Variants in SLF1 observed in about 807,000 individuals in gnomAD.
The protein encoded by SLF1 is SMC5/6 complex localization factor 1, also known as SMC5-SMC6 complex localization factor protein 1.
In SLF1, 105 loss-of-function variants were observed where a neutral mutation model predicts 123.0. The observed-to-expected ratio is 0.85, with a 90% CI of 0.73 to 1.00. The LOEUF (loss-of-function observed/expected upper bound fraction) is 1.00. Among genes scored for constraint, SLF1 ranks in the 50% least tolerant of loss-of-function variants. The pLI, the probability that SLF1 is intolerant of heterozygous loss-of-function variation, is 0.00. For synonymous variants in SLF1, 434 were observed against 406.6 expected (o/e 1.07, Z -0.81); for missense variants, 1,239 against 1,223.0 (o/e 1.01, Z -0.20).
At chr5:94,654,844 T>A (rs1369476970) in intron 9 of SLF1, 92 bp downstream of exon 9, 1 of 931,296 alleles carries the variant, frequency 1.1e-6, no homozygotes, top group Non-Finnish European at 1.4e-6. Context: ...TACATATGAT[T>A]CATTAGTATG....
At chr5:94,668,365 G>A (rs754223453) in intron 12 of SLF1, among the ~76,000 whole-genome samples, 8 of 151,700 alleles carry the variant, frequency 5.3e-5, no homozygotes, top group East Asian at 1.9e-4. Context: ...AAGAAGTTTC[G>A]CTCTGTTGCC....
intron 1 of SLF1, among the ~76,000 whole-genome samples, chr5:94,627,428 T>C (rs1469000956): frequency 6.6e-6 from 1 of 151,940 alleles, no homozygotes; most frequent in African/African-American, 2.4e-5. Context: ...GATGAGAAAT[T>C]CTGTGAGTTA....
rs761519987 is a variant in SLF1 at position 94,686,681 on chromosome 5, G to T, written c.2084G>T (p.Gly695Val). The change falls in exon 16 of 21, where the codon GGC becomes GTC. Residue 695 changes from glycine to valine, a missense_variant. Gly to Val is a moderately radical substitution (Grantham distance 109). Coordinates refer to ENST00000265140, the MANE Select transcript of SLF1 (RefSeq NM_032290.4). Reference sequence around the variant, plus strand: ...AAAAAGTTGTGTCTACAGAGCTCTGGCAGTGTTTCTTCTGAGCCACTCTCT... The same window carrying T: ...AAAAAGTTGTGTCTACAGAGCTCTGTCAGTGTTTCTTCTGAGCCACTCTCT... ...VFKKLCLQSS[G>V]SVSSEPLSLQ... The T allele has an allele frequency of 3.1e-6, 5 of 1,614,006 alleles. No homozygotes were observed. In the Admixed American group the frequency reaches 8.3e-5, roughly 27 times the overall value.
chr5:94,658,808 A>G (rs191871404), intron 9 of SLF1, among the ~76,000 whole-genome samples: 17 of 143,480 alleles, frequency 1.2e-4, no homozygotes, highest in Admixed American at 7.2e-4. Flanking sequence ...TATGTCATTT[A>G]GGCTTTTTTT....
intron 11 of SLF1, among the ~76,000 whole-genome samples, chr5:94,664,882 G>A (rs1442969120): frequency 1.3e-5 from 2 of 152,216 alleles, no homozygotes; most frequent in Admixed American, 1.3e-4. Flanking sequence ...TGCTTCTTCA[G>A]AACCTGCACT....
At chr5:94,658,457 T>TG (rs78857628) in intron 9 of SLF1, among the ~76,000 whole-genome samples, 3 of 151,314 alleles carry the variant, frequency 2.0e-5, no homozygotes, top group East Asian at 1.9e-4. Flanking sequence ...TTGTTGTTGT[T>TG]TTTTCCTTTC....
At chr5:94,628,650 A>G (rs1308290843) in intron 1 of SLF1, among the ~76,000 whole-genome samples, 161 bp from the exon 2 acceptor site, 6 of 152,248 alleles carry the variant, frequency 3.9e-5, no homozygotes, top group African/African-American at 4.8e-5. Flanking sequence ...TCTATCGTAT[A>G]TAAGTAATTT....
At chr5:94,637,960 G>A (rs148518629) in intron 4 of SLF1, among the ~76,000 whole-genome samples, 1 of 151,932 alleles carries the variant, frequency 6.6e-6, no homozygotes, top group South Asian at 2.1e-4. Flanking sequence ...TCACTCCCTG[G>A]GTGAGGCCAT....
At chr5:94,628,320 G>A (rs1421240975) in intron 1 of SLF1, among the ~76,000 whole-genome samples, 1 of 151,192 alleles carries the variant, frequency 6.6e-6, no homozygotes, top group South Asian at 2.1e-4. Flanking sequence ...TATATTTTTA[G>A]TAGAGGCAGG....
chr5:94,668,308 T>C (rs1750050390), intron 12 of SLF1, among the ~76,000 whole-genome samples: 1 of 151,870 alleles, frequency 6.6e-6, no homozygotes, highest in South Asian at 2.1e-4. Context: ...ACCTGGCCAA[T>C]TTTGTTGTTG....
At chr5:94,643,582 G>A (rs2152474599) in intron 5 of SLF1, 147 bp downstream of exon 5, 2 of 549,176 alleles carry the variant, frequency 3.6e-6, no homozygotes, top group East Asian at 7.1e-5. Flanking sequence ...AAAGGCAGTG[G>A]CTCTCAATTA....
chr5:94,630,705 C>T lies in SLF1; in HGVS notation c.393C>T (p.Leu131=). ...CCTTCCACAGATGGAAAGTTGTCCTCCTTGTTAGAACTGATAAGCGAAGTG... is the reference window on the plus strand; with the variant it reads ...CCTTCCACAGATGGAAAGTTGTCCTTCTTGTTAGAACTGATAAGCGAAGTG... ...PGAFHRWKVV[L]LVRTDKRSDS... is the part of the protein sequence containing the mutation. The change falls in exon 4 of 21, where the codon CTC becomes CTT. Residue 131 remains leucine (L), a synonymous_variant. Transcript: ENST00000265140. 6.4e-7 allele frequency: 1 copy of T among 1,551,616 alleles called. No individual in the cohort carries two copies.
At chr5:94,651,653 G>A in intron 6 of SLF1, 49 bp from the exon 7 acceptor site, 2 of 1,411,386 alleles carry the variant, frequency 1.4e-6, no homozygotes, top group South Asian at 3.0e-5. Context: ...TTGTGTTAAG[G>A]CTATATTTAA....
chr5:94,627,276 G>A (rs545622404), intron 1 of SLF1, among the ~76,000 whole-genome samples: 7 of 152,124 alleles, frequency 4.6e-5, no homozygotes, highest in African/African-American at 1.7e-4. Context: ...CAGTTATGGT[G>A]ACAAAATTGT....
chr5:94,653,362 G>A lies in SLF1; in HGVS notation c.973G>A (p.Gly325Ser). Residue 325 changes from glycine (G) to serine (S), a missense_variant, in exon 8 of 21, where the codon GGC (glycine) becomes AGC (serine). Gly to Ser is a moderately conservative substitution (Grantham distance 56, BLOSUM62 0). Coordinates refer to ENST00000265140, the MANE Select transcript of SLF1 (RefSeq NM_032290.4). ...AGGAAAAGAAAGCAATTGCAAGAAAGGCGTTGAACATGAAAAAATAAAAAG... is the reference window on the plus strand; with the variant it reads ...AGGAAAAGAAAGCAATTGCAAGAAAAGCGTTGAACATGAAAAAATAAAAAG... The part of the protein sequence containing the change: ...KKGKESNCKK[G>S]VEHEKIKSTL... 6.5e-7 allele frequency: 1 copy of A among 1,528,674 alleles called. No homozygotes were observed. 94.7% of individuals were successfully genotyped at this position (1,528,674 alleles called of 1,614,324 possible). A position where few individuals can be genotyped will look rare whatever the true frequency, so the allele number is the denominator to read the frequency against.
rs1171277565 is a variant in SLF1 at position 94,651,590 on chromosome 5, A to G, written c.739-112A>G. 6.2e-6 allele frequency: 5 copies of G among 800,798 alleles called. No homozygotes were observed. The South Asian group carries it at 6.8e-5, about 11-fold the overall frequency. The allele number at this position is 800,798 out of a possible 1,614,324, so 49.6% of individuals were successfully genotyped here. On this transcript the variant is annotated intron_variant, in intron 6 of 20. Coordinates refer to ENST00000265140, the MANE Select transcript of SLF1 (RefSeq NM_032290.4). ...TTACTCTATTTAACCTTGTATGTAT[A>G]TTTTACAAAATCTATGTTCCTGGAT... is the stretch of plus-strand genomic sequence containing the variant.
chr5:94,673,031 G>A (rs1750644781), intron 14 of SLF1, among the ~76,000 whole-genome samples: 1 of 152,186 alleles, frequency 6.6e-6, no homozygotes, highest in South Asian at 2.1e-4. Context: ...ACTCTGGGTA[G>A]TTCAAATGAA....
intron 1 of SLF1, among the ~76,000 whole-genome samples, chr5:94,619,478 TCA>T (rs981668418): frequency 2.0e-5 from 3 of 152,064 alleles, no homozygotes; most frequent in African/African-American, 7.2e-5. Flanking sequence ...TTCCAAAGCC[TCA>T]GATTAAATAT....
chr5:94,657,340 A>G (rs1314691446), intron 9 of SLF1, among the ~76,000 whole-genome samples: 2 of 151,930 alleles, frequency 1.3e-5, no homozygotes, highest in Non-Finnish European at 2.9e-5. Context: ...ATTTACGTGT[A>G]TTTGTACAGT....
Sources: gnomAD v4.1 joint callset for allele counts (sites outside exome capture counted in the v4.1 genomes callset) on GRCh38, gnomAD v4.1.1 for gene constraint, MANE v1.5 for transcripts, NCBI Gene and HGNC (gene_info 2026-07-23, HGNC 2026-07-21) for gene names.